CCDC136: variants seen among roughly 807,000 people sequenced by gnomAD.
CCDC136 encodes the protein coiled-coil domain containing 136.
Under a neutral mutation model 141.2 loss-of-function variants are expected in CCDC136, and 100 were observed. The observed-to-expected ratio is 0.71, with a 90% CI of 0.60 to 0.84. CCDC136 has a LOEUF of 0.84. Among genes scored for constraint, CCDC136 ranks in the 40% least tolerant of loss-of-function variants. CCDC136 has a pLI of 0.00. For missense variants in CCDC136, 1,206 were observed against 1,379.4 expected, an observed-to-expected ratio of 0.87 and a Z score of 1.99; for synonymous variants, 474 against 531.9, an observed-to-expected ratio of 0.89 and a Z score of 1.50.
intron 11 of CCDC136, among the ~76,000 whole-genome samples, chr7:128,809,850 T>C (rs1453437037): frequency 6.6e-6 from 1 of 152,234 alleles, no homozygotes; most frequent in Non-Finnish European, 1.5e-5. Flanking sequence ...AAAATACCTT[T>C]TATACTCAGG....
chr7:128,805,279 G>T lies in CCDC136; in HGVS notation c.783-80G>T, dbSNP rs1804658385. ...CTTACTATCTTTGGCCTAAAATGAA[G>T]GTATCAGGACAAAGCCTGCATGGCT... On this transcript the variant is annotated intron_variant, in intron 5 of 17. Coordinates refer to ENST00000297788, the MANE Select transcript of CCDC136 (RefSeq NM_022742.5). This position sits in a 1 kb window ranked among gnomAD's most constrained non-coding sequence, Gnocchi z 4.6. 4 of 1,243,018 alleles carry T rather than the reference G, an allele frequency of 3.2e-6. No individual in the cohort carries two copies. Among genetic ancestry groups the T allele is most frequent in the Middle Eastern group, 4.3e-4 (2 of 4,660 alleles). The allele number at this position is 1,243,018 out of a possible 1,614,324, so 77.0% of individuals were successfully genotyped here.
At position 128,792,240 on chromosome 7, in the gene CCDC136, A is replaced by G. The variant is rs1230780502; in HGVS notation, c.-172A>G. 1.3e-6 allele frequency: 2 copies of G among 1,525,044 alleles called. No individual in the cohort carries two copies. Among genetic ancestry groups the G allele is most frequent in the South Asian group, 1.2e-5 (1 of 80,984 alleles). The allele number at this position is 1,525,044 out of a possible 1,614,324, so 94.5% of individuals were successfully genotyped here. A position where few individuals can be genotyped will look rare whatever the true frequency, so the allele number is the denominator to read the frequency against. ...TCCCAGAGCCTCGAGGAGCTGGAAGACATGTCCCCTTCTTTCCTCTGCACC... is the reference window on the plus strand; with the variant it reads ...TCCCAGAGCCTCGAGGAGCTGGAAGGCATGTCCCCTTCTTTCCTCTGCACC... On this transcript the variant is annotated 5_prime_UTR_variant, in exon 1 of 18. Transcript: ENST00000297788.
Position 128,805,809 on chromosome 7 carries a change from G to C in CCDC136, c.997G>C (p.Val333Leu). The change falls in exon 7 of 18, where the codon GTC becomes CTC. Residue 333 changes from valine to leucine, a missense_variant. Physicochemically the swap from Val to Leu is conservative, Grantham distance 32. Coordinates refer to ENST00000297788, the MANE Select transcript of CCDC136 (RefSeq NM_022742.5). This position sits in a 1 kb window ranked among gnomAD's most constrained non-coding sequence, Gnocchi z 4.6. ...GGAAGAGCTACAGCATCATCGCCAG[G>C]TCAGTGAGGAGGAGCAGAGGCGGCT... The part of the protein sequence containing the change: ...ELEELQHHRQ[V>L]SEEEQRRLQR... 6.2e-7 allele frequency: 1 copy of C among 1,613,784 alleles called. No individual in the cohort carries two copies. Among genetic ancestry groups the C allele is most frequent in the Non-Finnish European group, 8.5e-7 (1 of 1,179,812 alleles).
intron 4 of CCDC136, among the ~76,000 whole-genome samples, chr7:128,801,849 G>A (rs1804080953): frequency 6.6e-6 from 1 of 152,226 alleles, no homozygotes; most frequent in Non-Finnish European, 1.5e-5. Flanking sequence ...CCAGTCCATG[G>A]TGGTGTAAGA....
chr7:128,813,316 A>G (rs1157490469), intron 14 of CCDC136, among the ~76,000 whole-genome samples: 1 of 152,200 alleles, frequency 6.6e-6, no homozygotes, highest in African/African-American at 2.4e-5. Context: ...GGACAGGGAC[A>G]TGTCTCCTTT....
upstream of CCDC136, chr7:128,791,283 C>T (rs1452973741): frequency 8.9e-5 from 30 of 338,932 alleles, no homozygotes; most frequent in Non-Finnish European, 1.5e-4. This position sits in a 1 kb window ranked among gnomAD's most constrained non-coding sequence, Gnocchi z 7.1. Context: ...CGCGCTCACC[C>T]TCCCGCGCCG....
At chr7:128,816,295 T>G (rs1000825418) in intron 16 of CCDC136, among the ~76,000 whole-genome samples, 10 of 152,236 alleles carry the variant, frequency 6.6e-5, no homozygotes, top group Admixed American at 6.5e-4. Flanking sequence ...CAGTGTGAAG[T>G]CTACTTCAGG....
intron 10 of CCDC136, among the ~76,000 whole-genome samples, chr7:128,808,034 A>G (rs1341871318): frequency 2.0e-5 from 3 of 152,140 alleles, no homozygotes; most frequent in Non-Finnish European, 4.4e-5. Context: ...ACTTTGAAGT[A>G]GTTAAATTCT....
In CCDC136 at chr7:128,806,390, G is replaced by C; in HGVS notation, c.1243G>C (p.Glu415Gln). 1 of 1,600,786 alleles carries C rather than the reference G, an allele frequency of 6.2e-7. No homozygotes were observed. Among genetic ancestry groups the C allele is most frequent in the Non-Finnish European group, 8.5e-7 (1 of 1,171,936 alleles). Residue 415 changes from glutamate (E) to glutamine (Q), a missense_variant, in exon 8 of 18, where the codon GAG becomes CAG. Coordinates refer to ENST00000297788, the MANE Select transcript of CCDC136 (RefSeq NM_022742.5). ...MKSTLVENQS[E>Q]KELLCRLQKL... ...ATCCACACTTGTAGAAAACCAGAGT[G>C]AGAAGGTAACAGCAACCAGAGGTGA...
upstream of CCDC136, chr7:128,791,375 C>T (rs1003669455): frequency 7.2e-5 from 47 of 651,192 alleles, no homozygotes; most frequent in South Asian, 2.2e-3. This position sits in a 1 kb window ranked among gnomAD's most constrained non-coding sequence, Gnocchi z 7.1. Flanking sequence ...GTCAGGAGGC[C>T]CGGCCAGGCC....
chr7:128,815,579 C>G, intron 15 of CCDC136, 35 bp from the exon 16 acceptor site: 1 of 1,526,470 alleles, frequency 6.6e-7, no homozygotes, highest in Non-Finnish European at 8.8e-7. Flanking sequence ...TCACAGGTAA[C>G]GCAGCCGCCA....
At chr7:128,791,921 G>T, upstream of CCDC136, 4 of 609,602 alleles carry the variant, frequency 6.6e-6, no homozygotes, top group South Asian at 2.2e-4. This position sits in a 1 kb window ranked among gnomAD's most constrained non-coding sequence, Gnocchi z 7.1. Context: ...GGGGAGGGGA[G>T]CGGTCGCAGC....
At chr7:128,820,367 C>T (rs775601301) in intron 17 of CCDC136, among the ~76,000 whole-genome samples, 4 of 152,198 alleles carry the variant, frequency 2.6e-5, no homozygotes, top group Non-Finnish European at 4.4e-5. Flanking sequence ...ACTTAGGTCA[C>T]CTAGTTTAAA....
At chr7:128,795,576 C>G (rs1236426594) in intron 3 of CCDC136, among the ~76,000 whole-genome samples, 1 of 151,830 alleles carries the variant, frequency 6.6e-6, no homozygotes, top group African/African-American at 2.4e-5. Flanking sequence ...AAAATGTAAG[C>G]AAAGGTAGAT....
intron 17 of CCDC136, among the ~76,000 whole-genome samples, chr7:128,820,707 T>G (rs1261433090): frequency 6.6e-6 from 1 of 152,188 alleles, no homozygotes; most frequent in African/African-American, 2.4e-5. Flanking sequence ...CAAGCGATCC[T>G]CCTCCCTCAG....
chr7:128,799,543 G>A (rs150678898), intron 3 of CCDC136, among the ~76,000 whole-genome samples: 145 of 151,398 alleles, frequency 9.6e-4, no homozygotes, highest in African/African-American at 3.4e-3. Flanking sequence ...TCTCTGCCTC[G>A]ATAAAGCTTA....
At chr7:128,819,217 G>A (rs916577418) in intron 17 of CCDC136, among the ~76,000 whole-genome samples, 1 of 152,242 alleles carries the variant, frequency 6.6e-6, no homozygotes, top group African/African-American at 2.4e-5. Context: ...ATCAGAGGGA[G>A]AGGAAGAACT....
chr7:128,791,519 C>A, upstream of CCDC136: 1 of 1,293,302 alleles, frequency 7.7e-7, no homozygotes, highest in Non-Finnish European at 9.7e-7. This position sits in a 1 kb window ranked among gnomAD's most constrained non-coding sequence, Gnocchi z 7.1. Flanking sequence ...GGAGCCGGCG[C>A]GGGAGCCGCG....
chr7:128,806,721 C>T lies in CCDC136; in HGVS notation c.1282C>T (p.Gln428Ter), dbSNP rs1411500319. Reference protein sequence around the residue: ...LLCRLQKLHLQHQNVTCEKEK... With the variant: ...LLCRLQKLHL ...GTGCCGGCTGCAGAAGCTGCACCTC[C>T]AGCACCAGAACGTCACATGTGAGAA... The change falls in exon 9 of 18, where the codon CAG (glutamine) becomes TAG (stop). Residue 428 changes from glutamine (Q) to a stop codon, truncating the protein, a stop_gained. Transcript: ENST00000297788. LOFTEE classifies it high-confidence loss of function. 1.2e-6 allele frequency: 2 copies of T among 1,611,082 alleles called. No individual in the cohort carries two copies. Among genetic ancestry groups the T allele is most frequent in the African/African-American group, 1.3e-5 (1 of 74,880 alleles).
Sources: gnomAD v4.1 joint callset for allele counts (sites outside exome capture counted in the v4.1 genomes callset) on GRCh38, gnomAD v4.1.1 for gene constraint, Gnocchi (gnomAD v3.1) non-coding constraint, MANE v1.5 for transcripts, NCBI Gene and HGNC (gene_info 2026-07-23, HGNC 2026-07-21) for gene names.